The following KDM4D variants were observed in gnomAD, a reference collection of about 807,000 sequenced individuals.
KDM4D encodes lysine-specific demethylase 4D.
For synonymous variants in KDM4D, 254 were observed against 249.1 expected, an observed-to-expected ratio of 1.02 and a Z score of -0.19; for missense variants, 427 against 674.8, an observed-to-expected ratio of 0.63 and a Z score of 4.07.
At chr11:94,986,383 A>G (rs1414616235) in intron 2 of KDM4D, among the ~76,000 whole-genome samples, 2 of 152,156 alleles carry the variant, frequency 1.3e-5, no homozygotes, top group African/African-American at 2.4e-5. Flanking sequence ...TGAGCCCAGA[A>G]GTTCAAGACC....
chr11:94,974,644 T>TGA (rs1380253802), intron 1 of KDM4D, among the ~76,000 whole-genome samples: 1 of 152,222 alleles, frequency 6.6e-6, no homozygotes, highest in African/African-American at 2.4e-5. Context: ...CAAGTCTCAC[T>TGA]AAAAGACGCG....
At chr11:94,974,657 C>T (rs180795159) in intron 1 of KDM4D, among the ~76,000 whole-genome samples, 2 of 152,296 alleles carry the variant, frequency 1.3e-5, no homozygotes, top group East Asian at 3.9e-4. Context: ...AAGACGCGAT[C>T]ATCATGCTAG....
intron 2 of KDM4D, among the ~76,000 whole-genome samples, chr11:94,982,990 A>C (rs1857854743): frequency 6.6e-6 from 1 of 152,062 alleles, no homozygotes; most frequent in Admixed American, 6.5e-5. Context: ...ACAGAACCTG[A>C]CAGATTTATT....
At chr11:94,995,295 TC>T (rs1323768424) in intron 2 of KDM4D, among the ~76,000 whole-genome samples, 7 of 152,292 alleles carry the variant, frequency 4.6e-5, no homozygotes, top group Non-Finnish European at 1.0e-4. Context: ...AGTACCAACT[TC>T]ATAGATTAGT....
chr11:94,992,127 T>C (rs962472219), intron 2 of KDM4D, among the ~76,000 whole-genome samples: 2 of 152,104 alleles, frequency 1.3e-5, no homozygotes, highest in Non-Finnish European at 2.9e-5. Context: ...GGATAATATT[T>C]ATCTCCATCT....
At chr11:94,983,200 A>C (rs1303601828) in intron 2 of KDM4D, among the ~76,000 whole-genome samples, 1 of 152,014 alleles carries the variant, frequency 6.6e-6, no homozygotes, top group Non-Finnish European at 1.5e-5. Context: ...CTATCCTTAC[A>C]TTGTAACTTA....
In KDM4D at chr11:94,998,756, G is replaced by A. The variant is rs1555099637; in HGVS notation, c.1384G>A (p.Ala462Thr). 2.5e-6 allele frequency: 4 copies of A among 1,612,792 alleles called. No homozygotes were observed. The highest frequency in any genetic ancestry group is 1.3e-5 in the African/African-American group (1 of 74,994). The change falls in exon 3 of 3, where the codon GCT (alanine) becomes ACT (threonine). Residue 462 changes from alanine (A) to threonine (T), a missense_variant. Physicochemically the swap from Ala to Thr is moderately conservative, Grantham distance 58. Transcript: ENST00000335080. The surrounding 1 kb of genome is among the most constrained non-coding windows in gnomAD (Gnocchi z 6.7). ...GRGRPPQKLR[A>T]QELTLQTPAK... ...TGGTCGCCCTCCTCAGAAACTGAGA[G>A]CTCAGGAGCTGACCCTCCAGACTCC...
intron 2 of KDM4D, among the ~76,000 whole-genome samples, chr11:94,978,730 A>T (rs1857818946): frequency 6.6e-6 from 1 of 152,246 alleles, no homozygotes; most frequent in Non-Finnish European, 1.5e-5. Flanking sequence ...GAAAATAGAG[A>T]TAGAAAAAGA....
intron 2 of KDM4D, among the ~76,000 whole-genome samples, chr11:94,988,329 T>C (rs772062017): frequency 6.6e-6 from 1 of 152,224 alleles, no homozygotes; most frequent in Admixed American, 6.5e-5. Context: ...AGTTGTGATA[T>C]TTGTGGCCAT....
In KDM4D at chr11:94,999,411, G is replaced by T. The variant is rs1858008638; in HGVS notation, c.*467G>T. On this transcript the variant is annotated 3_prime_UTR_variant, in exon 3 of 3. Coordinates refer to ENST00000335080, the MANE Select transcript of KDM4D (RefSeq NM_018039.3). ...TCTTTATACAGATAAGGTCAGTAGA[G>T]TTCCAGAATAAAAGATATGACTTTT... The T allele has an allele frequency of 6.0e-6, 1 of 167,398 alleles. No homozygotes were observed. Among genetic ancestry groups the T allele is most frequent in the African/African-American group, 2.4e-5 (1 of 41,432 alleles). 10.4% of individuals were successfully genotyped at this position (167,398 alleles called of 1,614,324 possible). A position where few individuals can be genotyped will look rare whatever the true frequency, so the allele number is the denominator to read the frequency against.
intron 2 of KDM4D, among the ~76,000 whole-genome samples, chr11:94,985,483 T>C (rs1299998931): frequency 8.5e-5 from 13 of 152,192 alleles, no homozygotes; most frequent in African/African-American, 3.1e-4. Flanking sequence ...GAAAACTTAA[T>C]ATTATTAAGA....
intron 2 of KDM4D, among the ~76,000 whole-genome samples, chr11:94,984,127 A>G (rs1857864876): frequency 6.6e-6 from 1 of 152,206 alleles, no homozygotes; most frequent in South Asian, 2.1e-4. Flanking sequence ...ATATATACAT[A>G]TGTGTACCTA....
intron 2 of KDM4D, among the ~76,000 whole-genome samples, chr11:94,977,499 T>A (rs1857807580): frequency 6.6e-6 from 1 of 152,152 alleles, no homozygotes; most frequent in African/African-American, 2.4e-5. Context: ...AGCTATTTTC[T>A]CTGCCAAGGC....
rs200141960 is a variant in KDM4D, at chr11:94,998,823, C to T, written c.1451C>T (p.Ser484Leu). ...PLLAGTTCTA[S>L]GPEPEPLPED... ...TTGGCGGGCACAACATGCACAGCTT[C>T]GGGCCCAGAACCTGAGCCCCTACCT... The change falls in exon 3 of 3, where the codon TCG (serine) becomes TTG (leucine). Residue 484 changes from serine to leucine, a missense_variant. By Grantham distance (145) the Ser-to-Leu change is moderately radical (BLOSUM62 -2). Transcript: ENST00000335080. This position sits in a 1 kb window ranked among gnomAD's most constrained non-coding sequence, Gnocchi z 6.7. 2.1e-5 allele frequency: 33 copies of T among 1,594,366 alleles called. No homozygotes were observed. Among genetic ancestry groups the T allele is most frequent in the East Asian group, 6.7e-5 (3 of 44,560 alleles).
At chr11:94,985,745 A>G (rs1857879928) in intron 2 of KDM4D, among the ~76,000 whole-genome samples, 1 of 152,228 alleles carries the variant, frequency 6.6e-6, no homozygotes, top group East Asian at 1.9e-4. Context: ...ATGGAATAGA[A>G]TTGAAAGTCC....
At chr11:94,989,502 A>G (rs782216605) in intron 2 of KDM4D, among the ~76,000 whole-genome samples, 5 of 152,298 alleles carry the variant, frequency 3.3e-5, no homozygotes, top group South Asian at 2.1e-4. Flanking sequence ...TCAATTTATT[A>G]TATGTCAGAA....
chr11:94,981,807 T>C lies in KDM4D; in HGVS notation c.-350+6059T>C, dbSNP rs1857845216. On this transcript the variant is annotated intron_variant, in intron 2 of 2. Transcript: ENST00000335080. ...GCCCAACTTTTGGTTTTGTTCATCA[T>C]ATTTTATATTGGCTTTTTATTTCAT... Among the ~76,000 whole-genome samples, 3 of 151,712 alleles carry C rather than the reference T, an allele frequency of 2.0e-5. No homozygotes were observed. The South Asian group carries it at 6.2e-4, about 31-fold the overall frequency.
intron 2 of KDM4D, among the ~76,000 whole-genome samples, chr11:94,991,905 A>G (rs1245660611): frequency 6.6e-6 from 1 of 151,978 alleles, no homozygotes; most frequent in Non-Finnish European, 1.5e-5. Flanking sequence ...ATAGAGAGAC[A>G]AACAACCTAA....
chr11:94,978,308 A>G (rs12574162), intron 2 of KDM4D, among the ~76,000 whole-genome samples: 66,599 of 152,020 alleles, frequency 0.44, 15,592 homozygotes, highest in Non-Finnish European at 0.53. Context: ...TACGAAAAAA[A>G]AAATGCCCAC....
Sources: allele counts gnomAD v4.1 joint callset (sites outside exome capture counted in the v4.1 genomes callset), GRCh38; gene constraint gnomAD v4.1.1; non-coding constraint Gnocchi (gnomAD v3.1); transcripts MANE v1.5; gene names NCBI Gene and HGNC (gene_info 2026-07-23, HGNC 2026-07-21).